ST8SIA4: variants seen among roughly 807,000 people sequenced by gnomAD.
The protein encoded by ST8SIA4 is CMP-N-acetylneuraminate-poly-alpha-2,8-sialyltransferase.
A neutral mutation model predicts 33.9 loss-of-function variants in ST8SIA4; 15 were observed. That is an observed-to-expected ratio of 0.44 (90% CI 0.30 to 0.68). The LOEUF (loss-of-function observed/expected upper bound fraction) is 0.68, where lower values mean the gene tolerates loss of function less well. Among genes scored for constraint, ST8SIA4 ranks in the 30% least tolerant of loss-of-function variants. ST8SIA4 has a pLI of 0.10. For missense variants in ST8SIA4, 321 were observed against 428.0 expected (o/e 0.75, Z 2.21); for synonymous variants, 171 against 151.2 (o/e 1.13, Z -0.96).
intron 4 of ST8SIA4, among the ~76,000 whole-genome samples, chr5:100,815,826 A>G (rs1162642814): frequency 2.0e-5 from 3 of 152,210 alleles, no homozygotes; most frequent in Non-Finnish European, 2.9e-5. Context: ...TTTGGAGCCC[A>G]GTTAACAATA....
chr5:100,852,312 G>A (rs545108890), intron 4 of ST8SIA4, among the ~76,000 whole-genome samples: 5 of 151,264 alleles, frequency 3.3e-5, no homozygotes, highest in Admixed American at 6.6e-5. Context: ...AGTAGAGGCG[G>A]GGTTTCGCCA....
intron 1 of ST8SIA4, among the ~76,000 whole-genome samples, chr5:100,896,320 C>T (rs992547828): frequency 6.6e-6 from 1 of 151,958 alleles, no homozygotes; most frequent in African/African-American, 2.4e-5. Context: ...ACCTAGAGGA[C>T]CTTAAGGTAA....
At chr5:100,837,805 T>C (rs945166666) in intron 4 of ST8SIA4, among the ~76,000 whole-genome samples, 1 of 79,162 alleles carries the variant, frequency 1.3e-5, no homozygotes, top group African/African-American at 4.0e-5. Flanking sequence ...TTTGCAACTG[T>C]TTCAAATTTG....
intron 4 of ST8SIA4, among the ~76,000 whole-genome samples, chr5:100,823,501 G>T (rs1036381672): frequency 2.6e-5 from 4 of 152,186 alleles, no homozygotes; most frequent in African/African-American, 9.7e-5. Flanking sequence ...TTGGGGTCTA[G>T]ATGGGGTCTC....
At chr5:100,885,436 TAAAAATATTCA>T (rs1273872800) in intron 3 of ST8SIA4, 13 of 941,022 alleles carry the variant, frequency 1.4e-5, no homozygotes, top group East Asian at 1.2e-4. Flanking sequence ...AGACTTTATT[TAAAAATATTCA>T]AAAAATATTC....
At chr5:100,820,840 TG>T (rs957497939) in intron 4 of ST8SIA4, among the ~76,000 whole-genome samples, 1 of 152,162 alleles carries the variant, frequency 6.6e-6, no homozygotes, top group Non-Finnish European at 1.5e-5. Flanking sequence ...AAATATCTTT[TG>T]GGAGTTGTCA....
At chr5:100,887,132 G>A (rs948649977) in intron 2 of ST8SIA4, among the ~76,000 whole-genome samples, 1 of 151,908 alleles carries the variant, frequency 6.6e-6, no homozygotes, top group African/African-American at 2.4e-5. Flanking sequence ...ATTATCTAAA[G>A]AAGAATTAAA....
At chr5:100,889,679 G>T (rs546391997) in intron 2 of ST8SIA4, among the ~76,000 whole-genome samples, 4 of 151,810 alleles carry the variant, frequency 2.6e-5, no homozygotes, top group African/African-American at 9.7e-5. Flanking sequence ...TACTCTTAGG[G>T]AAAAATGATT....
intron 3 of ST8SIA4, among the ~76,000 whole-genome samples, chr5:100,877,830 C>T (rs1752339024): frequency 6.6e-6 from 1 of 152,110 alleles, no homozygotes; most frequent in Non-Finnish European, 1.5e-5. Flanking sequence ...GTCACACTCT[C>T]CACCTATCAA....
intron 2 of ST8SIA4, among the ~76,000 whole-genome samples, chr5:100,894,567 G>A (rs1003750171): frequency 2.0e-5 from 3 of 151,952 alleles, no homozygotes; most frequent in South Asian, 2.1e-4. Context: ...TTCCTACATC[G>A]CCCTGATGCC....
intron 4 of ST8SIA4, among the ~76,000 whole-genome samples, chr5:100,820,022 CA>C (rs1295874772): frequency 2.0e-5 from 3 of 152,070 alleles, no homozygotes; most frequent in Non-Finnish European, 2.9e-5. Flanking sequence ...TTACAATATT[CA>C]ATAGTGGGAA....
intron 4 of ST8SIA4, among the ~76,000 whole-genome samples, chr5:100,830,863 T>C (rs900181878): frequency 4.1e-4 from 63 of 152,346 alleles, no homozygotes; most frequent in African/African-American, 1.5e-3. Flanking sequence ...TACAGGAGAT[T>C]CAGTAATCAT....
chr5:100,897,508 T>TA (rs780973840), intron 1 of ST8SIA4, among the ~76,000 whole-genome samples: 7 of 152,148 alleles, frequency 4.6e-5, no homozygotes, highest in Non-Finnish European at 8.8e-5. Flanking sequence ...AAAATATAGT[T>TA]AAAAAATAAC....
chr5:100,880,871 TTAAA>T (rs1288199553), intron 3 of ST8SIA4, among the ~76,000 whole-genome samples: 3 of 152,234 alleles, frequency 2.0e-5, no homozygotes, highest in African/African-American at 7.2e-5. Context: ...CATAAAATAA[TTAAA>T]TAAGATATTT....
intron 4 of ST8SIA4, among the ~76,000 whole-genome samples, chr5:100,836,932 C>T (rs1022117309): frequency 3.0e-4 from 45 of 151,548 alleles, no homozygotes; most frequent in African/African-American, 9.9e-4. Flanking sequence ...CGTCACTTAT[C>T]GCTATTGACT....
chr5:100,825,205 TATTTA>T (rs889490431), intron 4 of ST8SIA4, among the ~76,000 whole-genome samples: 6 of 152,186 alleles, frequency 3.9e-5, no homozygotes, highest in African/African-American at 1.2e-4. Context: ...CAAATCATAT[TATTTA>T]ATTTATTTTG....
intron 2 of ST8SIA4, 124 bp from the exon 3 acceptor site, chr5:100,886,724 A>T: frequency 1.3e-6 from 1 of 762,264 alleles, no homozygotes; most frequent in Non-Finnish European, 2.1e-6. Context: ...AGATTACCAA[A>T]TTGGTAAGCT....
intron 3 of ST8SIA4, among the ~76,000 whole-genome samples, chr5:100,863,744 A>T (rs1473130687): frequency 1.3e-5 from 2 of 152,220 alleles, no homozygotes; most frequent in African/African-American, 2.4e-5. Context: ...AATGCTATTA[A>T]TATCTTTAAT....
At chr5:100,836,242 A>G (rs993836539) in intron 4 of ST8SIA4, among the ~76,000 whole-genome samples, 1 of 152,020 alleles carries the variant, frequency 6.6e-6, no homozygotes, top group Non-Finnish European at 1.5e-5. Context: ...ATGAGTAGAC[A>G]CTCTTAATAA....
Sources: allele counts gnomAD v4.1 joint callset (sites outside exome capture counted in the v4.1 genomes callset), GRCh38; gene constraint gnomAD v4.1.1; transcripts MANE v1.5; gene names NCBI Gene and HGNC (gene_info 2026-07-23, HGNC 2026-07-21).